The following TM9SF4 variants were observed in gnomAD, a reference collection of about 807,000 sequenced individuals.
TM9SF4 encodes the protein dinucleotide oxidase disulfide thiol exchanger 3 superfamily member 4.
In TM9SF4, 26 loss-of-function variants were observed where a neutral mutation model predicts 90.4. The ratio of observed to expected loss-of-function variants is 0.29; its 90% CI spans 0.21 to 0.40. The LOEUF is 0.40. Among genes scored for constraint, TM9SF4 ranks in the 10% least tolerant of loss-of-function variants. The pLI is 1.00. For missense variants in TM9SF4, 549 were observed against 834.8 expected (o/e 0.66, Z 4.22); for synonymous variants, 293 against 315.4 (o/e 0.93, Z 0.75).
intron 9 of TM9SF4, among the ~76,000 whole-genome samples, chr20:32,148,302 T>C (rs987681287): frequency 6.6e-6 from 1 of 152,182 alleles, no homozygotes; most frequent in African/African-American, 2.4e-5. Flanking sequence ...GCACAGACTT[T>C]TTTTCTTTTT....
At chr20:32,129,725 C>T (rs1322687180) in intron 1 of TM9SF4, among the ~76,000 whole-genome samples, 1 of 151,714 alleles carries the variant, frequency 6.6e-6, no homozygotes, top group Non-Finnish European at 1.5e-5. Flanking sequence ...GCTGGGATTA[C>T]AGGCATCTGC....
Position 32,145,442 on chromosome 20 carries a change from G to C in TM9SF4, c.883+19G>C, listed in dbSNP as rs2046749764. On this transcript the variant is annotated intron_variant, in intron 8 of 17. Coordinates refer to ENST00000398022, the MANE Select transcript of TM9SF4 (RefSeq NM_014742.4). ...CTGTCAGGTGAGAGATCTGTGGGTT[G>C]AGGGAAAGGGGATGGGGGTTGGGGT... is the stretch of plus-strand genomic sequence containing the variant. 1 of 1,607,204 alleles carries C rather than the reference G, an allele frequency of 6.2e-7. No homozygotes were observed. Among genetic ancestry groups the C allele is most frequent in the East Asian group, 2.2e-5 (1 of 44,868 alleles).
At chr20:32,120,280 A>G (rs2122322573) in intron 1 of TM9SF4, among the ~76,000 whole-genome samples, 1 of 152,238 alleles carries the variant, frequency 6.6e-6, no homozygotes, top group Admixed American at 6.5e-5. Flanking sequence ...TGAACATGGA[A>G]TATCTCCGCA....
chr20:32,149,554 C>T, intron 9 of TM9SF4, 80 bp from the exon 10 acceptor site: 1 of 1,598,810 alleles, frequency 6.3e-7, no homozygotes, highest in Middle Eastern at 1.7e-4. Context: ...CTGAGGGTGT[C>T]AGCTGTCACC....
intron 17 of TM9SF4, among the ~76,000 whole-genome samples, chr20:32,163,236 A>C (rs1169199893): frequency 8.6e-6 from 1 of 116,280 alleles, no homozygotes; most frequent in Non-Finnish European, 1.7e-5. Context: ...ACAGAGCAAG[A>C]CTCCATCTCA....
At chr20:32,128,495 T>C (rs2046455589) in intron 1 of TM9SF4, among the ~76,000 whole-genome samples, 1 of 152,142 alleles carries the variant, frequency 6.6e-6, no homozygotes, top group Non-Finnish European at 1.5e-5. Context: ...CATGGGTAGA[T>C]TGGGTAGTGG....
intron 16 of TM9SF4, among the ~76,000 whole-genome samples, chr20:32,160,721 C>T (rs773562017): frequency 6.6e-5 from 10 of 151,962 alleles, no homozygotes; most frequent in East Asian, 1.9e-4. Flanking sequence ...GAGGCTGAGG[C>T]GGGCAGATCA....
At chr20:32,143,728 C>CTT (rs112570972) in intron 6 of TM9SF4, among the ~76,000 whole-genome samples, 1 of 145,236 alleles carries the variant, frequency 6.9e-6, no homozygotes, top group Non-Finnish European at 1.5e-5. Context: ...GGTATTTGGA[C>CTT]TTTTTTTTTT....
At chr20:32,135,142 T>C (rs2046577170) in intron 2 of TM9SF4, among the ~76,000 whole-genome samples, 1 of 152,238 alleles carries the variant, frequency 6.6e-6, no homozygotes, top group Admixed American at 6.5e-5. Context: ...ATTTTGTCTG[T>C]GGTTTCCAGA....
At chr20:32,152,809 G>A (rs2046862322) in intron 12 of TM9SF4, among the ~76,000 whole-genome samples, 1 of 152,088 alleles carries the variant, frequency 6.6e-6, no homozygotes, top group Non-Finnish European at 1.5e-5. Flanking sequence ...CTCCTACCCC[G>A]AGCCTGGCAG....
intron 9 of TM9SF4, 99 bp from the exon 10 acceptor site, chr20:32,149,534 TG>T: frequency 6.6e-7 from 1 of 1,507,422 alleles, no homozygotes; most frequent in Non-Finnish European, 9.1e-7. Context: ...AGAGCAGCGC[TG>T]GTTGGCACCT....
chr20:32,129,597 A>AT (rs34093111), intron 1 of TM9SF4, among the ~76,000 whole-genome samples: 19,512 of 139,616 alleles, frequency 0.14, 1,474 homozygotes, highest in East Asian at 0.21. Context: ...TAAGTAGTGA[A>AT]TTTTTTTTTT....
At chr20:32,156,968 C>G (rs1019896037) in intron 13 of TM9SF4, among the ~76,000 whole-genome samples, 1 of 72,754 alleles carries the variant, frequency 1.4e-5, no homozygotes, top group Non-Finnish European at 2.1e-5. Flanking sequence ...GAGACGAAGT[C>G]TCACTCTCTC....
chr20:32,136,341 T>G (rs1444003884), intron 3 of TM9SF4, among the ~76,000 whole-genome samples, 168 bp downstream of exon 3: 1 of 152,240 alleles, frequency 6.6e-6, no homozygotes, highest in Non-Finnish European at 1.5e-5. Flanking sequence ...AGACAGTTGC[T>G]GTGTTTATTC....
intron 1 of TM9SF4, among the ~76,000 whole-genome samples, chr20:32,114,852 G>C (rs1203327314): frequency 2.6e-5 from 4 of 152,192 alleles, no homozygotes; most frequent in Non-Finnish European, 4.4e-5. Flanking sequence ...CTGATGCATT[G>C]TGTGGCCTGG....
At chr20:32,161,221 G>C (rs1223122245) in intron 16 of TM9SF4, 55 bp from the exon 17 acceptor site, 1 of 1,501,108 alleles carries the variant, frequency 6.7e-7, no homozygotes, top group East Asian at 2.3e-5. Context: ...TGTGAAATTG[G>C]TAGGAAGGGG....
chr20:32,160,309 C>T (rs563947656), intron 16 of TM9SF4, among the ~76,000 whole-genome samples, 198 bp downstream of exon 16: 22 of 152,282 alleles, frequency 1.4e-4, no homozygotes, highest in African/African-American at 5.3e-4. Flanking sequence ...AATGAGATAC[C>T]TTCCAGCTTA....
At chr20:32,157,246 C>G (rs1356304578) in intron 13 of TM9SF4, among the ~76,000 whole-genome samples, 1 of 152,168 alleles carries the variant, frequency 6.6e-6, no homozygotes, top group East Asian at 1.9e-4. Flanking sequence ...AGCCACTGCT[C>G]CCGGCCTTCC....
chr20:32,160,882 G>A (rs776939344), intron 16 of TM9SF4, among the ~76,000 whole-genome samples: 6 of 148,518 alleles, frequency 4.0e-5, no homozygotes, highest in East Asian at 2.0e-4. Flanking sequence ...CCCAGGAGGC[G>A]GAGGTTGCAG....
Sources: gnomAD v4.1 joint callset for allele counts (sites outside exome capture counted in the v4.1 genomes callset) on GRCh38, gnomAD v4.1.1 for gene constraint, MANE v1.5 for transcripts, NCBI Gene and HGNC (gene_info 2026-07-23, HGNC 2026-07-21) for gene names.